The following CDH18 variants were observed in gnomAD, a reference collection of about 807,000 sequenced individuals.
CDH18 encodes cadherin 18, also known as cadherin-18.
A neutral mutation model predicts 67.9 loss-of-function variants in CDH18; 31 were observed. The ratio of observed to expected loss-of-function variants is 0.46; its 90% CI spans 0.34 to 0.62. The LOEUF (loss-of-function observed/expected upper bound fraction) is 0.62, where lower values mean the gene tolerates loss of function less well. Ranked by LOEUF, CDH18 falls within the 20% of genes least tolerant of loss-of-function variation. CDH18 has a pLI of 0.01. For missense variants in CDH18, 890 were observed against 975.5 expected (o/e 0.91, Z 1.17); for synonymous variants, 362 against 347.2 (o/e 1.04, Z -0.48).
intron 2 of CDH18, among the ~76,000 whole-genome samples, chr5:19,879,231 A>G (rs1426218749): frequency 6.6e-6 from 1 of 151,954 alleles, no homozygotes; most frequent in Non-Finnish European, 1.5e-5. Flanking sequence ...TGGGGTGGTA[A>G]GAATGCCCTA....
chr5:19,793,823 A>G (rs1776599338), intron 3 of CDH18, among the ~76,000 whole-genome samples: 1 of 152,062 alleles, frequency 6.6e-6, no homozygotes, highest in Non-Finnish European at 1.5e-5. Context: ...CAGCTTCAAT[A>G]TATTCTGGGA....
intron 2 of CDH18, among the ~76,000 whole-genome samples, chr5:20,092,288 A>C (rs1212211435): frequency 6.6e-6 from 1 of 152,176 alleles, no homozygotes; most frequent in African/African-American, 2.4e-5. Flanking sequence ...CTTTGAAAAA[A>C]CAAACATAAA....
At chr5:20,513,046 T>C (rs991652174) in intron 1 of CDH18, among the ~76,000 whole-genome samples, 2 of 152,188 alleles carry the variant, frequency 1.3e-5, no homozygotes, top group African/African-American at 4.8e-5. Flanking sequence ...CTTTCTTAAA[T>C]TGTGCATAAT....
intron 2 of CDH18, among the ~76,000 whole-genome samples, chr5:20,076,827 A>C (rs1743986638): frequency 6.6e-6 from 1 of 152,218 alleles, no homozygotes; most frequent in Non-Finnish European, 1.5e-5. Context: ...CTTTTGATAT[A>C]AATTTATTTC....
chr5:19,575,521 C>A (rs1475847339), intron 7 of CDH18, among the ~76,000 whole-genome samples: 1 of 152,276 alleles, frequency 6.6e-6, no homozygotes, highest in South Asian at 2.1e-4. Flanking sequence ...ATTTGTCTAT[C>A]CCTCAACTAT....
At chr5:19,619,787 G>A (rs1750408593) in intron 5 of CDH18, among the ~76,000 whole-genome samples, 1 of 152,134 alleles carries the variant, frequency 6.6e-6, no homozygotes, top group African/African-American at 2.4e-5. Flanking sequence ...CCAGGGTATG[G>A]TTGTCTCTAT....
intron 2 of CDH18, among the ~76,000 whole-genome samples, chr5:19,960,651 GTA>G (rs138405594): frequency 0.059 from 6,997 of 119,376 alleles, 516 homozygotes; most frequent in East Asian, 0.21. Flanking sequence ...ATATACACGT[GTA>G]TATATATATA....
chr5:20,253,939 T>C lies in CDH18; in HGVS notation c.-518+1505A>G, dbSNP rs79931202. ...ACAGGATGAAAATTCCCAGGGCACA[T>C]AGTCATCAGATTCACCAAGTTCATC... is the stretch of plus-strand genomic sequence containing the variant. On this transcript the variant is annotated intron_variant, in intron 2 of 14. Transcript: ENST00000507958. Among the ~76,000 whole-genome samples the C allele has an allele frequency of 4.4e-3, 663 of 152,218 alleles. 7 individuals are homozygous for C. The highest frequency in any genetic ancestry group is 0.015 in the African/African-American group (635 of 41,540).
At chr5:20,179,780 T>C (rs1439972436) in intron 2 of CDH18, among the ~76,000 whole-genome samples, 3 of 152,132 alleles carry the variant, frequency 2.0e-5, no homozygotes, top group African/African-American at 4.8e-5. Flanking sequence ...GGCCCATTTT[T>C]ATCCCTGTAG....
chr5:20,180,829 C>T (rs532073451), intron 2 of CDH18, among the ~76,000 whole-genome samples: 3 of 152,222 alleles, frequency 2.0e-5, no homozygotes, highest in Non-Finnish European at 2.9e-5. Context: ...CGTTGCATTG[C>T]GGGCTGCTGG....
At chr5:19,964,719 T>C (rs1295439066) in intron 2 of CDH18, among the ~76,000 whole-genome samples, 1 of 146,822 alleles carries the variant, frequency 6.8e-6, no homozygotes, top group African/African-American at 2.7e-5. Context: ...TATGGAACTA[T>C]GTATTTAGAA....
intron 1 of CDH18, among the ~76,000 whole-genome samples, chr5:20,321,854 A>C (rs995928944): frequency 2.6e-5 from 4 of 152,230 alleles, no homozygotes; most frequent in African/African-American, 9.6e-5. Flanking sequence ...CTTATTATCA[A>C]GCAAGACCAA....
rs559551220 is a variant in CDH18 at position 19,996,856 on chromosome 5, G to T, written c.-517-4842C>A. ...TTCTTACACATTACCAAAACAATAT[G>T]GGTCTCTGTGAACATAAATATATAT... On this transcript the variant is annotated intron_variant, in intron 2 of 14. Coordinates refer to the CDH18 transcript ENST00000507958. Among the ~76,000 whole-genome samples, 4 of 151,964 alleles carry T rather than the reference G, an allele frequency of 2.6e-5. No homozygotes were observed. In the East Asian group the frequency reaches 7.7e-4, roughly 29 times the overall value.
At chr5:20,396,239 A>T (rs998491203) in intron 1 of CDH18, among the ~76,000 whole-genome samples, 5 of 152,100 alleles carry the variant, frequency 3.3e-5, no homozygotes, top group Non-Finnish European at 7.4e-5. Context: ...GGCTGAAGGT[A>T]TCAGAATTGA....
chr5:19,982,298 G>T (rs1460483605), intron 1 of CDH18, among the ~76,000 whole-genome samples: 4 of 151,924 alleles, frequency 2.6e-5, no homozygotes, highest in Admixed American at 2.0e-4. Flanking sequence ...CACTATCATG[G>T]CTCATTCAAA....
chr5:20,508,323 T>TTATATATATATATA (rs55885279), intron 1 of CDH18, among the ~76,000 whole-genome samples: 7 of 111,190 alleles, frequency 6.3e-5, no homozygotes, highest in Non-Finnish European at 1.1e-4. Context: ...ATGACTATGA[T>TTATATATATATATA]TATATATATA....
At chr5:19,646,243 G>A (rs1052815445) in intron 5 of CDH18, among the ~76,000 whole-genome samples, 6 of 152,042 alleles carry the variant, frequency 3.9e-5, no homozygotes, top group Non-Finnish European at 8.8e-5. Context: ...CACTTACCGA[G>A]ATGGGTAAGA....
At chr5:20,046,809 A>C (rs2150482380) in intron 2 of CDH18, among the ~76,000 whole-genome samples, 1 of 151,804 alleles carries the variant, frequency 6.6e-6, no homozygotes, top group Non-Finnish European at 1.5e-5. Flanking sequence ...CTGTTTTATT[A>C]GATTTTGGGG....
intron 2 of CDH18, among the ~76,000 whole-genome samples, chr5:20,036,712 G>A (rs1739896463): frequency 6.6e-6 from 1 of 152,084 alleles, no homozygotes; most frequent in South Asian, 2.1e-4. Flanking sequence ...TGACAGTGGA[G>A]TGTTAAAGTC....
Sources: allele counts gnomAD v4.1 joint callset (sites outside exome capture counted in the v4.1 genomes callset), GRCh38; gene constraint gnomAD v4.1.1; transcripts MANE v1.5; gene names NCBI Gene and HGNC (gene_info 2026-07-23, HGNC 2026-07-21).